MAGI2: variants seen among roughly 807,000 people sequenced by gnomAD.
MAGI2 encodes the protein membrane associated guanylate kinase, WW and PDZ domain containing 2, also known as membrane-associated guanylate kinase, WW and PDZ domain-containing protein 2.
In MAGI2, 35 loss-of-function variants were observed where a neutral mutation model predicts 133.3. The observed-to-expected ratio is 0.26, with a 90% CI of 0.20 to 0.35. The LOEUF (loss-of-function observed/expected upper bound fraction) is 0.35. Among genes scored for constraint, MAGI2 ranks in the 10% least tolerant of loss-of-function variants. The probability of loss-of-function intolerance (pLI) is 1.00; values close to 1 mark genes in which losing one functional copy is unlikely to be tolerated. For missense variants in MAGI2, 1,636 were observed against 1,863.4 expected (o/e 0.88, Z 2.25); for synonymous variants, 729 against 710.6 (o/e 1.03, Z -0.41).
chr7:79,271,680 T>G (rs1225343115), intron 1 of MAGI2, among the ~76,000 whole-genome samples: 10 of 151,684 alleles, frequency 6.6e-5, no homozygotes, highest in African/African-American at 1.9e-4. Context: ...TTTTTTTTTT[T>G]TGTGAAGACT....
chr7:79,451,520 T>TGACTTATAATA (rs1269122341), intron 1 of MAGI2, among the ~76,000 whole-genome samples: 2 of 152,204 alleles, frequency 1.3e-5, no homozygotes, highest in Non-Finnish European at 2.9e-5. Flanking sequence ...GGAGCTATGT[T>TGACTTATAATA]GACTTATAAT....
intron 6 of MAGI2, chr7:78,487,174 GAA>G (rs35515187): frequency 0.33 from 56,367 of 173,388 alleles, 8,124 homozygotes; most frequent in South Asian, 0.42. Context: ...GCAGGATGGG[GAA>G]AAAAAAAAAA....
chr7:78,605,383 C>A (rs1177006677), intron 3 of MAGI2, among the ~76,000 whole-genome samples: 1 of 152,124 alleles, frequency 6.6e-6, no homozygotes, highest in East Asian at 1.9e-4. Context: ...AGGTGGTGAA[C>A]ATCGGAAAAT....
At chr7:78,206,414 C>T (rs1829750188) in intron 10 of MAGI2, among the ~76,000 whole-genome samples, 1 of 151,786 alleles carries the variant, frequency 6.6e-6, no homozygotes, top group African/African-American at 2.4e-5. Context: ...GCCTCAGCCT[C>T]CTGAATAGCT....
chr7:79,266,456 C>T (rs887417778), intron 1 of MAGI2, among the ~76,000 whole-genome samples: 38 of 152,138 alleles, frequency 2.5e-4, no homozygotes, highest in African/African-American at 9.2e-4. Context: ...TATCTGATTA[C>T]TGAGCAGTTA....
At chr7:78,482,076 A>T (rs182135652) in intron 6 of MAGI2, among the ~76,000 whole-genome samples, 1 of 152,086 alleles carries the variant, frequency 6.6e-6, no homozygotes, top group East Asian at 1.9e-4. Context: ...AAAAGCAAAC[A>T]ACTGGCAAAA....
At chr7:78,263,013 C>T (rs1022086710) in intron 9 of MAGI2, among the ~76,000 whole-genome samples, 2 of 152,076 alleles carry the variant, frequency 1.3e-5, no homozygotes, top group Non-Finnish European at 2.9e-5. Context: ...CAGTGTCTAT[C>T]GTTGCCATCT....
At chr7:78,708,861 A>AT (rs11452836) in intron 2 of MAGI2, among the ~76,000 whole-genome samples, 103,166 of 151,846 alleles carry the variant, frequency 0.68, 35,203 homozygotes, top group East Asian at 0.84. Context: ...TCTAATACTC[A>AT]TTTTTTAAAG....
At chr7:78,483,829 A>T (rs1792682922) in intron 6 of MAGI2, among the ~76,000 whole-genome samples, 1 of 151,990 alleles carries the variant, frequency 6.6e-6, no homozygotes. Flanking sequence ...TTACAAACAT[A>T]TATGAAATAT....
chr7:78,834,021 T>C (rs1054446742), intron 2 of MAGI2, among the ~76,000 whole-genome samples: 1 of 152,192 alleles, frequency 6.6e-6, no homozygotes, highest in Non-Finnish European at 1.5e-5. Flanking sequence ...TTTTTGGAGA[T>C]GGAGTCTCAC....
chr7:79,171,882 T>A (rs1343564286), intron 1 of MAGI2, among the ~76,000 whole-genome samples: 1 of 149,846 alleles, frequency 6.7e-6, no homozygotes, highest in Non-Finnish European at 1.5e-5. Context: ...CCCAAAGGTA[T>A]TAGTCTTAGG....
intron 2 of MAGI2, among the ~76,000 whole-genome samples, chr7:78,875,078 C>T (rs1458661970): frequency 6.6e-6 from 1 of 152,012 alleles, no homozygotes; most frequent in African/African-American, 2.4e-5. Context: ...AAAAAAGCTG[C>T]AGAAAAGAGG....
intron 9 of MAGI2, among the ~76,000 whole-genome samples, chr7:78,335,748 T>C (rs1232253195): frequency 6.6e-6 from 1 of 152,196 alleles, no homozygotes; most frequent in East Asian, 1.9e-4. Flanking sequence ...GAAAATATGA[T>C]TATTTTAAGA....
chr7:78,993,438 G>A (rs761296563), intron 2 of MAGI2, among the ~76,000 whole-genome samples: 2 of 151,998 alleles, frequency 1.3e-5, no homozygotes, highest in Admixed American at 6.6e-5. Flanking sequence ...ATGTTTAAAG[G>A]TAAATTTCCT....
intron 2 of MAGI2, among the ~76,000 whole-genome samples, chr7:78,797,787 G>A (rs567786919): frequency 1.3e-5 from 2 of 152,126 alleles, no homozygotes; most frequent in Admixed American, 1.3e-4. Context: ...TTCACGCTAG[G>A]GGTAAGGGGA....
rs188773021 is a variant in MAGI2 at position 79,192,853 on chromosome 7, T to A, written c.302-185647A>T. On this transcript the variant is annotated intron_variant, in intron 1 of 21. Transcript: ENST00000354212. ...TTGATTTATATTTTTACAATCTCAC[T>A]CTGTCTCTTTGAGAACAATATGTTG... Among the ~76,000 whole-genome samples the A allele has an allele frequency of 2.0e-3, 311 of 151,882 alleles. 4 individuals are homozygous for A. Among genetic ancestry groups the A allele is most frequent in the African/African-American group, 7.3e-3 (300 of 41,262 alleles).
chr7:78,636,510 GCATCAA>G, intron 2 of MAGI2, among the ~76,000 whole-genome samples: 1 of 152,232 alleles, frequency 6.6e-6, no homozygotes, highest in South Asian at 2.1e-4. Context: ...AACATAGGCT[GCATCAA>G]GGCCGGGCGC....
At chr7:78,074,281 G>A (rs549243322) in intron 21 of MAGI2, among the ~76,000 whole-genome samples, 38 of 152,208 alleles carry the variant, frequency 2.5e-4, no homozygotes, top group South Asian at 2.1e-3. Context: ...CTGACAGATC[G>A]CCTTTGGTAT....
intron 15 of MAGI2, among the ~76,000 whole-genome samples, chr7:78,165,337 TG>T (rs926617993): frequency 1.6e-4 from 25 of 151,914 alleles, no homozygotes; most frequent in Admixed American, 1.3e-3. Context: ...AAAAATTTTT[TG>T]CCTTTCTATC....
Sources: gnomAD v4.1 joint callset for allele counts (sites outside exome capture counted in the v4.1 genomes callset) on GRCh38, gnomAD v4.1.1 for gene constraint, MANE v1.5 for transcripts, NCBI Gene and HGNC (gene_info 2026-07-23, HGNC 2026-07-21) for gene names.